MAGI2: variants seen among roughly 807,000 people sequenced by gnomAD.
MAGI2 encodes membrane associated guanylate kinase, WW and PDZ domain containing 2.
In MAGI2, 35 loss-of-function variants were observed where a neutral mutation model predicts 133.3. That is an observed-to-expected ratio of 0.26 (90% CI 0.20 to 0.35). The LOEUF is 0.35. MAGI2 is among the 10% of genes least tolerant of loss of function. The pLI is 1.00. For synonymous variants in MAGI2, 729 were observed against 710.6 expected (o/e 1.03, Z -0.41); for missense variants, 1,636 against 1,863.4 (o/e 0.88, Z 2.25).
At chr7:78,118,591 T>C (rs1399415984) in intron 20 of MAGI2, among the ~76,000 whole-genome samples, 2 of 152,308 alleles carry the variant, frequency 1.3e-5, no homozygotes, top group Non-Finnish European at 2.9e-5. Flanking sequence ...CAGATTAGCA[T>C]ATGAAAAGAT....
At chr7:78,131,437 G>GT in intron 18 of MAGI2, among the ~76,000 whole-genome samples, 1 of 152,208 alleles carries the variant, frequency 6.6e-6, no homozygotes. Context: ...TTGCAACAAT[G>GT]TGAATGATGA....
intron 2 of MAGI2, among the ~76,000 whole-genome samples, chr7:78,900,343 C>T (rs1797527037): frequency 6.6e-6 from 1 of 152,154 alleles, no homozygotes; most frequent in Non-Finnish European, 1.5e-5. Context: ...TTTCCTATCA[C>T]CTTTATTCAA....
intron 2 of MAGI2, among the ~76,000 whole-genome samples, chr7:78,821,780 T>C (rs1373963816): frequency 6.6e-6 from 1 of 152,022 alleles, no homozygotes; most frequent in African/African-American, 2.4e-5. Context: ...TAATCAAATA[T>C]ATCCCAGGTG....
At chr7:78,297,174 G>A (rs1246645815) in intron 9 of MAGI2, among the ~76,000 whole-genome samples, 1 of 152,138 alleles carries the variant, frequency 6.6e-6, no homozygotes, top group African/African-American at 2.4e-5. Flanking sequence ...GTACCGAAGG[G>A]AAAGGGAGGA....
chr7:78,261,332 A>C (rs995654420), intron 9 of MAGI2, among the ~76,000 whole-genome samples: 2 of 152,066 alleles, frequency 1.3e-5, no homozygotes, highest in Non-Finnish European at 2.9e-5. Flanking sequence ...CTTCCTTTCT[A>C]TGTATGGAAT....
At chr7:79,333,594 T>C (rs1409678403) in intron 1 of MAGI2, among the ~76,000 whole-genome samples, 2 of 152,208 alleles carry the variant, frequency 1.3e-5, no homozygotes, top group African/African-American at 4.8e-5. Flanking sequence ...TAGAATTTTG[T>C]TGGGTATTCA....
At position 78,681,501 on chromosome 7, in the gene MAGI2, T is replaced by A. The variant is rs574181454; in HGVS notation, c.419-54262A>T. Among the ~76,000 whole-genome samples, 21 of 152,220 alleles carry A rather than the reference T, an allele frequency of 1.4e-4. No homozygotes were observed. The South Asian group carries it at 3.9e-3, about 29-fold the overall frequency. On this transcript the variant is annotated intron_variant, in intron 2 of 21. Coordinates refer to ENST00000354212, the MANE Select transcript of MAGI2 (RefSeq NM_012301.4). ...ATTTTAAATATGAAGAAAATGAAGATCACAGAGATCAACTCCCCTGTTTGA... is the reference window on the plus strand; with the variant it reads ...ATTTTAAATATGAAGAAAATGAAGAACACAGAGATCAACTCCCCTGTTTGA...
intron 1 of MAGI2, among the ~76,000 whole-genome samples, chr7:79,008,072 T>G (rs1030364235): frequency 6.6e-6 from 1 of 152,052 alleles, no homozygotes; most frequent in Admixed American, 6.6e-5. Flanking sequence ...CTTTCCTATT[T>G]CCATACTGGA....
At chr7:78,061,880 G>A (rs986820839) in intron 21 of MAGI2, among the ~76,000 whole-genome samples, 1 of 152,186 alleles carries the variant, frequency 6.6e-6, no homozygotes, top group Non-Finnish European at 1.5e-5. Context: ...ATTAGATTTT[G>A]TTATCATAGT....
At chr7:78,557,097 A>AAAAAAAAAAAAAAAAGAAAG (rs1554473311) in intron 3 of MAGI2, among the ~76,000 whole-genome samples, 6 of 138,992 alleles carry the variant, frequency 4.3e-5, no homozygotes, top group African/African-American at 1.8e-4. Context: ...AAAAAAAAAA[A>AAAAAAAAAAAAAAAAGAAAG]AAAGAAAAAG....
intron 9 of MAGI2, among the ~76,000 whole-genome samples, chr7:78,270,071 C>T (rs1277861249): frequency 6.6e-6 from 1 of 151,908 alleles, no homozygotes; most frequent in African/African-American, 2.4e-5. Context: ...AGATCAAATG[C>T]TGGTAGATAT....
intron 6 of MAGI2, among the ~76,000 whole-genome samples, chr7:78,402,342 GTGTCCACCTGGGGCGTATGTGTGTA>G (rs1265537677): frequency 2.5e-5 from 1 of 40,276 alleles, no homozygotes; most frequent in Non-Finnish European, 4.5e-5. Flanking sequence ...GTATGTGTGT[GTGTCCACCTGGGGCGTATGTGTGTA>G]TCCACCTGGG....
At chr7:79,377,794 A>G (rs1356060474) in intron 1 of MAGI2, among the ~76,000 whole-genome samples, 2 of 151,744 alleles carry the variant, frequency 1.3e-5, no homozygotes, top group Non-Finnish European at 2.9e-5. Flanking sequence ...GATAACGGAC[A>G]CACCAACAAA....
intron 1 of MAGI2, among the ~76,000 whole-genome samples, chr7:79,327,947 T>C (rs1374190370): frequency 2.0e-5 from 3 of 152,178 alleles, no homozygotes; most frequent in African/African-American, 4.8e-5. Flanking sequence ...TAAGTTACCT[T>C]ATAAATTATG....
intron 3 of MAGI2, among the ~76,000 whole-genome samples, chr7:78,579,320 T>C (rs1215481552): frequency 6.6e-6 from 1 of 152,148 alleles, no homozygotes; most frequent in Admixed American, 6.5e-5. Flanking sequence ...ATACAATGAA[T>C]GGATGGATGA....
chr7:79,232,712 C>T (rs1233426919), intron 1 of MAGI2, among the ~76,000 whole-genome samples: 65 of 132,300 alleles, frequency 4.9e-4, no homozygotes, highest in Admixed American at 5.6e-4. Context: ...GGCTAGCGGT[C>T]TATCAATTTT....
At chr7:79,432,864 A>G (rs1847869792) in intron 1 of MAGI2, among the ~76,000 whole-genome samples, 1 of 152,228 alleles carries the variant, frequency 6.6e-6, no homozygotes, top group Non-Finnish European at 1.5e-5. Flanking sequence ...GATGCCTGAC[A>G]TAACAAAGGA....
chr7:78,917,281 T>C (rs1239041521), intron 2 of MAGI2, among the ~76,000 whole-genome samples: 1 of 152,040 alleles, frequency 6.6e-6, no homozygotes, highest in Non-Finnish European at 1.5e-5. Context: ...GGGTACTGAA[T>C]TCAGTCCTGC....
intron 1 of MAGI2, among the ~76,000 whole-genome samples, chr7:79,329,342 T>G (rs1003066139): frequency 6.6e-6 from 1 of 152,256 alleles, no homozygotes; most frequent in Non-Finnish European, 1.5e-5. Flanking sequence ...AGATAAACAT[T>G]GTAACACGTA....
Sources: gnomAD v4.1 joint callset for allele counts (sites outside exome capture counted in the v4.1 genomes callset) on GRCh38, gnomAD v4.1.1 for gene constraint, MANE v1.5 for transcripts, NCBI Gene and HGNC (gene_info 2026-07-23, HGNC 2026-07-21) for gene names.